RB1: variants seen among roughly 807,000 people sequenced by gnomAD.
RB1 encodes the protein retinoblastoma-associated protein.
In RB1, 18 loss-of-function variants were observed where a neutral mutation model predicts 135.4. The observed-to-expected ratio is 0.13, with a 90% CI of 0.09 to 0.20. The LOEUF (loss-of-function observed/expected upper bound fraction) is 0.20. RB1 is among the 10% of genes least tolerant of loss of function. The probability of loss-of-function intolerance (pLI) is 1.00; values close to 1 mark genes in which losing one functional copy is unlikely to be tolerated. For synonymous variants in RB1, 365 were observed against 373.2 expected (o/e 0.98, Z 0.25); for missense variants, 868 against 1,110.0 (o/e 0.78, Z 3.10).
At chr13:48,307,926 G>A (rs1230914956) in intron 2 of RB1, among the ~76,000 whole-genome samples, 1 of 150,480 alleles carries the variant, frequency 6.6e-6, no homozygotes, top group Non-Finnish European at 1.5e-5. Flanking sequence ...TTTTAAAGCA[G>A]GTCTTAGTTA....
intron 19 of RB1, 103 bp from the exon 20 acceptor site, chr13:48,459,585 C>G: frequency 1.7e-6 from 2 of 1,200,632 alleles, no homozygotes; most frequent in South Asian, 2.5e-5. Flanking sequence ...TGTTAAAATG[C>G]TACTTAACAG....
chr13:48,374,130 A>G (rs1354669222), intron 12 of RB1, among the ~76,000 whole-genome samples: 1 of 152,130 alleles, frequency 6.6e-6, no homozygotes, highest in Non-Finnish European at 1.5e-5. Flanking sequence ...TTCATCCAAT[A>G]TTTAACCCAT....
intron 17 of RB1, among the ~76,000 whole-genome samples, chr13:48,385,238 G>A (rs555628413): frequency 6.6e-6 from 1 of 152,180 alleles, no homozygotes; most frequent in South Asian, 2.1e-4. Context: ...TGCTCATAAT[G>A]TAAATCTCAT....
rs544167215 is a variant in RB1, at chr13:48,416,664, C to A, written c.1695+35221C>A. The A allele has an allele frequency of 5.3e-5, 8 of 152,376 alleles. No individual in the cohort carries two copies. In the East Asian group the frequency reaches 1.5e-3, roughly 29 times the overall value. The allele number at this position is 152,376 out of a possible 1,614,324, so 9.4% of individuals were successfully genotyped here. A position where few individuals can be genotyped will look rare whatever the true frequency, so the allele number is the denominator to read the frequency against. On this transcript the variant is annotated intron_variant, in intron 17 of 26. Coordinates refer to ENST00000267163, the MANE Select transcript of RB1 (RefSeq NM_000321.3). ...TCAGTGGATCCCACCCCCACAGAGCCCAGCAAGCTAAGATCCACTGGCTTG... is the reference window on the plus strand; with the variant it reads ...TCAGTGGATCCCACCCCCACAGAGCACAGCAAGCTAAGATCCACTGGCTTG...
At chr13:48,461,123 T>C (rs148766427) in intron 20 of RB1, among the ~76,000 whole-genome samples, 163 of 152,304 alleles carry the variant, frequency 1.1e-3, no homozygotes, top group Middle Eastern at 3.4e-3. Flanking sequence ...TTAGAATTTG[T>C]ATCACACCAG....
At position 48,381,266 on chromosome 13, in the gene RB1, T is replaced by C. The variant is rs1234661987; in HGVS notation, c.1518T>C (p.Leu506=). The C allele has an allele frequency of 6.2e-7, 1 of 1,610,594 alleles. No individual in the cohort carries two copies. Among genetic ancestry groups the C allele is most frequent in the East Asian group, 2.2e-5 (1 of 44,704 alleles). ...TTTTAGGAAGTACATCTCAGAATCT[T>C]GATTCTGGAACAGATTTGTCTTTCC... ...ATYSRSTSQN[L]DSGTDLSFPW... The change falls in exon 17 of 27, where the codon CTT becomes CTC. Residue 506 remains leucine (L), a synonymous_variant. Transcript: ENST00000267163.
chr13:48,411,614 C>G, intron 17 of RB1: 1 of 1,612,308 alleles, frequency 6.2e-7, no homozygotes, highest in Non-Finnish European at 8.5e-7. Flanking sequence ...GGTACATTGT[C>G]CTTACTGCTG....
chr13:48,406,432 TAAG>T (rs1365215675), intron 17 of RB1: 6 of 152,204 alleles, frequency 3.9e-5, no homozygotes, highest in Non-Finnish European at 7.4e-5. Context: ...AAAAAAAGGA[TAAG>T]AAGAGCCCTT....
chr13:48,479,921 CATA>C, intron 26 of RB1, 74 bp from the exon 27 acceptor site: 3 of 1,136,900 alleles, frequency 2.6e-6, no homozygotes, highest in Non-Finnish European at 4.0e-6. Flanking sequence ...TTGACATGAG[CATA>C]ATATATATGG....
At chr13:48,418,619 A>T (rs1285471603) in intron 17 of RB1, among the ~76,000 whole-genome samples, 1 of 151,880 alleles carries the variant, frequency 6.6e-6, no homozygotes, top group East Asian at 1.9e-4. Context: ...AAGACCCATC[A>T]GTGTGCTGTA....
At chr13:48,372,381 C>A (rs1016887064) in intron 11 of RB1, among the ~76,000 whole-genome samples, 3 of 152,128 alleles carry the variant, frequency 2.0e-5, no homozygotes, top group African/African-American at 7.2e-5. Context: ...AAAGACGAGG[C>A]TGGGTGTGGT....
intron 1 of RB1, among the ~76,000 whole-genome samples, chr13:48,305,083 A>G (rs990804854): frequency 2.0e-5 from 3 of 151,966 alleles, no homozygotes; most frequent in Admixed American, 2.0e-4. Context: ...AAAGAGTGTA[A>G]TTGTCATTAT....
chr13:48,390,420 G>A (rs1948601812), intron 17 of RB1, among the ~76,000 whole-genome samples: 1 of 152,066 alleles, frequency 6.6e-6, no homozygotes, highest in Non-Finnish European at 1.5e-5. Context: ...CCTGGCCAAG[G>A]AGCCAGAAAG....
At chr13:48,398,236 A>C (rs1948663493) in intron 17 of RB1, among the ~76,000 whole-genome samples, 1 of 152,148 alleles carries the variant, frequency 6.6e-6, no homozygotes, top group Non-Finnish European at 1.5e-5. Context: ...TTAATTTTAA[A>C]AAATTCAATT....
At chr13:48,372,053 C>G (rs969435694) in intron 11 of RB1, among the ~76,000 whole-genome samples, 2 of 152,118 alleles carry the variant, frequency 1.3e-5, no homozygotes, top group Admixed American at 1.3e-4. Flanking sequence ...CCCCTACTCT[C>G]CATGGTCCAT....
At chr13:48,460,633 C>T (rs1463461998) in intron 20 of RB1, among the ~76,000 whole-genome samples, 1 of 152,116 alleles carries the variant, frequency 6.6e-6, no homozygotes, top group Non-Finnish European at 1.5e-5. Context: ...TTTTTCATCT[C>T]CTCCTTTTTC....
intron 6 of RB1, among the ~76,000 whole-genome samples, chr13:48,358,414 A>G (rs1952611124): frequency 6.6e-6 from 1 of 152,050 alleles, no homozygotes; most frequent in African/African-American, 2.4e-5. Flanking sequence ...TGACTTGTTT[A>G]TGTTCCCCAA....
chr13:48,437,158 T>C (rs1254359028), intron 17 of RB1, among the ~76,000 whole-genome samples: 1 of 152,160 alleles, frequency 6.6e-6, no homozygotes, highest in East Asian at 1.9e-4. Flanking sequence ...TTGCTGACAG[T>C]GAGAGCCTGG....
intron 17 of RB1, among the ~76,000 whole-genome samples, chr13:48,450,681 G>C (rs112621760): frequency 2.0e-5 from 3 of 152,084 alleles, no homozygotes; most frequent in African/African-American, 7.2e-5. Context: ...TATGAATTTT[G>C]GTTCCATGTG....
Sources: gnomAD v4.1 joint callset for allele counts (sites outside exome capture counted in the v4.1 genomes callset) on GRCh38, gnomAD v4.1.1 for gene constraint, MANE v1.5 for transcripts, NCBI Gene and HGNC (gene_info 2026-07-23, HGNC 2026-07-21) for gene names.